Variants in RICTOR observed in about 807,000 individuals in gnomAD.
RICTOR encodes rapamycin-insensitive companion of mTOR.
Under a neutral mutation model 214.9 loss-of-function variants are expected in RICTOR, and 49 were observed. That is an observed-to-expected ratio of 0.23 (90% CI 0.18 to 0.29). The LOEUF is 0.29. Ranked by LOEUF, RICTOR falls within the 10% of genes least tolerant of loss-of-function variation. RICTOR has a pLI of 1.00. For synonymous variants in RICTOR, 717 were observed against 711.3 expected (o/e 1.01, Z -0.13); for missense variants, 1,625 against 2,047.0 (o/e 0.79, Z 3.98).
Position 38,958,456 on chromosome 5 carries a change from G to A in RICTOR, c.2407C>T (p.Leu803Phe). 1 of 1,608,098 alleles carries A rather than the reference G, an allele frequency of 6.2e-7. No homozygotes were observed. Among genetic ancestry groups the A allele is most frequent in the Non-Finnish European group, 8.5e-7 (1 of 1,174,782 alleles). ...ALSHLGDKGL[L>F]LLLRFLSIPK... ...CTTAAAATTTACCTCAGCAGGAGAA[G>A]CAAACCCTTGTCTCCAAGGTGGGAT... Residue 803 changes from leucine (L) to phenylalanine (F), a missense_variant, in exon 24 of 38, where the codon CTT becomes TTT. This residue lies in a region of RICTOR where 1,214 missense variants were observed against 1,470.5 expected (regional missense o/e 0.83). Coordinates refer to ENST00000357387, the MANE Select transcript of RICTOR (RefSeq NM_152756.5).
chr5:39,032,823 T>C (rs1241486495), intron 2 of RICTOR, among the ~76,000 whole-genome samples: 2 of 152,182 alleles, frequency 1.3e-5, no homozygotes, highest in East Asian at 1.9e-4. Context: ...CAGAGCAACA[T>C]GGACAGCAAG....
chr5:38,990,853 T>G (rs1752716611), intron 7 of RICTOR, 96 bp downstream of exon 7: 3 of 474,094 alleles, frequency 6.3e-6, no homozygotes, highest in African/African-American at 6.3e-5. Context: ...AGATATATGA[T>G]ATATATATGA....
intron 5 of RICTOR, among the ~76,000 whole-genome samples, chr5:39,001,848 G>C (rs1333769086): frequency 1.3e-5 from 2 of 152,072 alleles, no homozygotes; most frequent in Non-Finnish European, 2.9e-5. Context: ...ACTGAAAATA[G>C]CAAGTGTTGA....
intron 9 of RICTOR, among the ~76,000 whole-genome samples, chr5:38,976,776 A>G (rs531940177): frequency 1.6e-4 from 25 of 152,302 alleles, no homozygotes; most frequent in African/African-American, 5.3e-4. Flanking sequence ...AAAGTACAGA[A>G]CCAAATAGGA....
chr5:39,048,349 G>A (rs1034015646), intron 2 of RICTOR, among the ~76,000 whole-genome samples: 16 of 152,206 alleles, frequency 1.1e-4, no homozygotes, highest in African/African-American at 3.9e-4. Flanking sequence ...TAAATTTTGG[G>A]AGATTCTGTA....
intron 2 of RICTOR, among the ~76,000 whole-genome samples, chr5:39,072,456 T>C (rs1479773814): frequency 1.3e-5 from 2 of 152,170 alleles, no homozygotes; most frequent in African/African-American, 4.8e-5. Context: ...AACTATATAT[T>C]TCCAGCACCA....
At position 38,960,002 on chromosome 5, in the gene RICTOR, T is replaced by C. The variant is rs750818131; in HGVS notation, c.1852-24A>G. 189 of 1,471,224 alleles carry C rather than the reference T, an allele frequency of 1.3e-4. 1 individual carries two copies. Among genetic ancestry groups the C allele is most frequent in the Admixed American group, 1.1e-3 (63 of 58,882 alleles). The allele number at this position is 1,471,224 out of a possible 1,614,324, so 91.1% of individuals were successfully genotyped here. ...TCCTAAAAGTAAATACATTGTGATA[T>C]TGTGAGAAAAGCATTCAAAATCTGT... On this transcript the variant is annotated intron_variant, in intron 20 of 37. Transcript: ENST00000357387.
Position 39,036,449 on chromosome 5 carries a change from C to G in RICTOR, c.98-15313G>C, listed in dbSNP as rs551192436. Among the ~76,000 whole-genome samples the G allele has an allele frequency of 2.0e-5, 3 of 152,282 alleles. No individual in the cohort carries two copies. The South Asian group carries it at 6.2e-4, about 32-fold the overall frequency. On this transcript the variant is annotated intron_variant, in intron 2 of 37. Transcript: ENST00000357387. ...CCAGCTAACATCATAATGACAGTAT[C>G]AAATTCACACATAACAATATTAACC...
chr5:39,044,483 G>A (rs1757358485), intron 2 of RICTOR, among the ~76,000 whole-genome samples: 1 of 151,924 alleles, frequency 6.6e-6, no homozygotes, highest in Non-Finnish European at 1.5e-5. Context: ...TTATAATAAT[G>A]ATAGTTATAA....
chr5:38,953,563 G>A lies in RICTOR; in HGVS notation c.2698-10C>T, dbSNP rs1228860819. The A allele has an allele frequency of 2.4e-5, 17 of 700,738 alleles. No individual in the cohort carries two copies. The highest frequency in any genetic ancestry group is 2.4e-5 in the Non-Finnish European group (11 of 453,014). 43.4% of individuals were successfully genotyped at this position (700,738 alleles called of 1,614,324 possible). A position where few individuals can be genotyped will look rare whatever the true frequency, so the allele number is the denominator to read the frequency against. ...GTTCTGTAATAATATTCTGGAGAAA[G>A]AAAAAAAAATACCATGAGTAATAAT... On this transcript the variant is annotated splice_polypyrimidine_tract_variant and intron_variant, in intron 27 of 37. Coordinates refer to ENST00000357387, the MANE Select transcript of RICTOR (RefSeq NM_152756.5).
At chr5:39,064,686 A>C (rs536114902) in intron 2 of RICTOR, among the ~76,000 whole-genome samples, 41 of 152,292 alleles carry the variant, frequency 2.7e-4, no homozygotes, top group African/African-American at 9.1e-4. Flanking sequence ...GGATCACTTA[A>C]AAGGAAATTG....
intron 7 of RICTOR, among the ~76,000 whole-genome samples, chr5:38,987,048 C>T (rs1054034582): frequency 1.3e-5 from 2 of 152,188 alleles, no homozygotes. Flanking sequence ...GTATGCTGAA[C>T]TAGCCTTGCA....
At chr5:38,944,690 A>C (rs997415904) in intron 35 of RICTOR, 121 bp from the exon 36 acceptor site, 40 of 967,242 alleles carry the variant, frequency 4.1e-5, no homozygotes, top group Middle Eastern at 3.1e-4. Context: ...ATGATCTACC[A>C]ATCATTTTGG....
chr5:38,983,702 G>A (rs1751914214), intron 7 of RICTOR, among the ~76,000 whole-genome samples: 1 of 152,166 alleles, frequency 6.6e-6, no homozygotes, highest in Non-Finnish European at 1.5e-5. Context: ...GGTGGCTCAG[G>A]CCTGTAATCC....
At chr5:38,983,652 C>T (rs1751908924) in intron 7 of RICTOR, among the ~76,000 whole-genome samples, 3 of 152,066 alleles carry the variant, frequency 2.0e-5, no homozygotes, top group African/African-American at 4.8e-5. Flanking sequence ...ACATAAAATG[C>T]TAGTTACATA....
rs527763282 is a variant in RICTOR at position 38,968,452 on chromosome 5, A to C, written c.973-422T>G. Among the ~76,000 whole-genome samples, 30 of 151,698 alleles carry C rather than the reference A, an allele frequency of 2.0e-4. No individual in the cohort carries two copies. The South Asian group carries it at 4.6e-3, about 23-fold the overall frequency. On this transcript the variant is annotated intron_variant, in intron 11 of 37. Transcript: ENST00000357387. ...ACTATACCTTTTACCATTATCTTAG[A>C]GTGTACTTCTATACTTTAAAAAACA... is the stretch of plus-strand genomic sequence containing the variant.
chr5:38,965,128 T>C (rs1303771954), intron 15 of RICTOR, among the ~76,000 whole-genome samples: 3 of 151,982 alleles, frequency 2.0e-5, no homozygotes, highest in Admixed American at 6.6e-5. Flanking sequence ...TTAAGTTTCA[T>C]AGATTCTTTA....
chr5:38,994,452 A>AAAAAAAAAAAG (rs1753025350), intron 6 of RICTOR, among the ~76,000 whole-genome samples: 1 of 98,144 alleles, frequency 1.0e-5, no homozygotes, highest in Non-Finnish European at 2.1e-5. Context: ...AAAAAAAAAA[A>AAAAAAAAAAAG]GTGCTTCAGA....
At chr5:38,966,858 C>T (rs114040773) in intron 14 of RICTOR, 137 bp from the exon 15 acceptor site, 66 of 589,458 alleles carry the variant, frequency 1.1e-4, no homozygotes, top group Non-Finnish European at 1.7e-4. Context: ...TGGAATGCAA[C>T]GGCAAGATCT....
Sources: allele counts gnomAD v4.1 joint callset (sites outside exome capture counted in the v4.1 genomes callset), GRCh38; gene constraint gnomAD v4.1.1; regional missense constraint gnomAD v4.1.1; transcripts MANE v1.5; gene names NCBI Gene and HGNC (gene_info 2026-07-23, HGNC 2026-07-21).